Variants in ERC2 observed in about 807,000 individuals in gnomAD.
ERC2 encodes ELKS/RAB6-interacting/CAST family member 2, also known as ERC protein 2.
A neutral mutation model predicts 114.8 loss-of-function variants in ERC2; 42 were observed. That is an observed-to-expected ratio of 0.37 (90% CI 0.29 to 0.47). ERC2 has a LOEUF of 0.47. Ranked by LOEUF, ERC2 falls within the 20% of genes least tolerant of loss-of-function variation. The pLI is 0.99. For synonymous variants in ERC2, 454 were observed against 425.5 expected, an observed-to-expected ratio of 1.07 and a Z score of -0.82; for missense variants, 939 against 1,150.7, an observed-to-expected ratio of 0.82 and a Z score of 2.66.
chr3:55,550,460 A>T (rs1036852560), intron 17 of ERC2, among the ~76,000 whole-genome samples: 14 of 152,202 alleles, frequency 9.2e-5, no homozygotes, highest in African/African-American at 3.4e-4. Flanking sequence ...TATTTGTTGA[A>T]CCAATGCATA....
chr3:56,296,122 T>C lies in ERC2; in HGVS notation c.971A>G (p.Asp324Gly). Residue 324 changes from aspartate (D) to glycine (G), a missense_variant, in exon 3 of 18, where the codon GAT (aspartate) becomes GGT (glycine). Coordinates refer to ENST00000288221, the MANE Select transcript of ERC2 (RefSeq NM_015576.3). ...CATCCGCCGCGTTCGCTCATTGTCA[T>C]CCTCCAGGCTTTTGGATGGCAAGCC... ...SKGLPSKSLE[D>G]DNERTRRMAE... The C allele has an allele frequency of 6.2e-7, 1 of 1,614,018 alleles. No homozygotes were observed. Among genetic ancestry groups the C allele is most frequent in the Non-Finnish European group, 8.5e-7 (1 of 1,179,880 alleles).
intron 3 of ERC2, among the ~76,000 whole-genome samples, chr3:56,285,026 C>CACACAT (rs878878880): frequency 9.0e-6 from 1 of 111,436 alleles, no homozygotes; most frequent in African/African-American, 3.4e-5. Flanking sequence ...CACACACACA[C>CACACAT]ACACATACAC....
At chr3:55,875,521 A>C (rs2062787860) in intron 14 of ERC2, among the ~76,000 whole-genome samples, 1 of 152,178 alleles carries the variant, frequency 6.6e-6, no homozygotes, top group African/African-American at 2.4e-5. Context: ...TGGTTCCCAA[A>C]TTCCGTGACT....
intron 17 of ERC2, among the ~76,000 whole-genome samples, chr3:55,547,787 G>A (rs1440882995): frequency 2.0e-5 from 3 of 152,186 alleles, no homozygotes; most frequent in Non-Finnish European, 2.9e-5. Flanking sequence ...TCAAATGAAA[G>A]AATTTTGCTA....
chr3:56,352,680 C>A (rs910138015), intron 2 of ERC2, among the ~76,000 whole-genome samples: 3 of 152,142 alleles, frequency 2.0e-5, no homozygotes, highest in African/African-American at 7.2e-5. Flanking sequence ...TAGCCAGTTC[C>A]TCTGCAAGGG....
chr3:55,913,598 T>C (rs1294226100), intron 13 of ERC2, among the ~76,000 whole-genome samples: 3 of 152,172 alleles, frequency 2.0e-5, no homozygotes, highest in African/African-American at 7.2e-5. Context: ...AAATTGCTTC[T>C]ACAAAAGGAA....
In ERC2 at chr3:56,226,019, G is replaced by A. The variant is rs146376413; in HGVS notation, c.1075-52499C>T. 4.5e-4 allele frequency among the ~76,000 whole-genome samples: 69 copies of A among 152,268 alleles called. No individual in the cohort carries two copies. The East Asian group carries it at 0.012, about 26-fold the overall frequency. The stretch of plus-strand genomic sequence containing the variant: ...TTTCTGTTTATTGAAGTACTATCGC[G>A]ACAGAGATGCTTTCTACTATTCTAC... On this transcript the variant is annotated intron_variant, in intron 3 of 17. Coordinates refer to ENST00000288221, the MANE Select transcript of ERC2 (RefSeq NM_015576.3).
intron 17 of ERC2, among the ~76,000 whole-genome samples, chr3:55,607,464 G>A (rs2058687642): frequency 1.3e-5 from 2 of 152,164 alleles, no homozygotes; most frequent in Non-Finnish European, 2.9e-5. Context: ...TCTGCAGCCT[G>A]TAATCCTACA....
At chr3:55,862,837 T>C (rs1347054560) in intron 14 of ERC2, among the ~76,000 whole-genome samples, 1 of 152,198 alleles carries the variant, frequency 6.6e-6, no homozygotes, top group Non-Finnish European at 1.5e-5. Context: ...TTTATCATTG[T>C]CTGCAATATT....
rs1559689238 is a variant in ERC2 at position 55,808,721 on chromosome 3, ATATATATATATATATATATAT to A, written c.2565-73824_2565-73804del. The stretch of plus-strand genomic sequence containing the variant: ...TAATTTTATATATATATATATATAT[ATATATATATATATATATATAT>A]AACGTATAACTAAACATATATATAT... On this transcript the variant is annotated intron_variant, in intron 14 of 17. Transcript: ENST00000288221. Among the ~76,000 whole-genome samples, 415 of 122,188 alleles carry A rather than the reference ATATATATATATATATATATAT, an allele frequency of 3.4e-3. 6 individuals carry two copies. Among genetic ancestry groups the A allele is most frequent in the African/African-American group, 0.014 (393 of 28,820 alleles). The allele number at this position is 122,188 out of a possible 152,430, so 80.2% of individuals were successfully genotyped here. A position where few individuals can be genotyped will look rare whatever the true frequency, so the allele number is the denominator to read the frequency against.
intron 5 of ERC2, among the ~76,000 whole-genome samples, chr3:56,146,342 T>C (rs552859100): frequency 1.2e-4 from 18 of 152,100 alleles, no homozygotes; most frequent in Non-Finnish European, 2.2e-4. Flanking sequence ...AAGTAATTAA[T>C]GATAGGAAAC....
chr3:56,295,691 C>T (rs992703401), intron 3 of ERC2, among the ~76,000 whole-genome samples: 2 of 152,168 alleles, frequency 1.3e-5, no homozygotes, highest in African/African-American at 4.8e-5. Context: ...TGATAAACAA[C>T]TAAACTGAAT....
At chr3:56,181,461 T>C (rs1170710125) in intron 3 of ERC2, among the ~76,000 whole-genome samples, 3 of 152,188 alleles carry the variant, frequency 2.0e-5, no homozygotes, top group African/African-American at 4.8e-5. Context: ...ACAGAGAACA[T>C]ATGGCCCTGC....
At chr3:55,843,251 C>G (rs1279898339) in intron 14 of ERC2, among the ~76,000 whole-genome samples, 16 of 152,056 alleles carry the variant, frequency 1.1e-4, no homozygotes, top group Admixed American at 9.2e-4. Flanking sequence ...ATAGAGGGAG[C>G]TGGAAGAGCC....
intron 17 of ERC2, among the ~76,000 whole-genome samples, chr3:55,628,960 T>TATGAGGAATTCTTTAC (rs11268750): frequency 3.3e-5 from 5 of 151,994 alleles, no homozygotes; most frequent in Admixed American, 3.3e-4. Flanking sequence ...ACCTTTCTTA[T>TATGAGGAATTCTTTAC]ATGAATGAAG....
chr3:55,541,311 A>C (rs1464647087), intron 17 of ERC2, among the ~76,000 whole-genome samples: 4 of 152,128 alleles, frequency 2.6e-5, no homozygotes, highest in Non-Finnish European at 5.9e-5. Flanking sequence ...TTGGTTTTAC[A>C]AAGACGCTGA....
At chr3:56,232,800 T>C (rs1463255294) in intron 3 of ERC2, among the ~76,000 whole-genome samples, 1 of 152,188 alleles carries the variant, frequency 6.6e-6, no homozygotes, top group African/African-American at 2.4e-5. Context: ...TCCACCACAC[T>C]CTTTGCTGCA....
chr3:55,952,160 C>CAG (rs1408636584), intron 12 of ERC2, among the ~76,000 whole-genome samples: 3,084 of 72,732 alleles, frequency 0.042, 150 homozygotes, highest in Non-Finnish European at 0.076. Flanking sequence ...CACACACACA[C>CAG]ACACACACAC....
At chr3:56,341,373 C>T (rs1023021267) in intron 2 of ERC2, among the ~76,000 whole-genome samples, 2 of 152,156 alleles carry the variant, frequency 1.3e-5, no homozygotes, top group Non-Finnish European at 2.9e-5. Flanking sequence ...GGCACTGGGA[C>T]CTGAGCCCCT....
Sources: allele counts gnomAD v4.1 joint callset (sites outside exome capture counted in the v4.1 genomes callset), GRCh38; gene constraint gnomAD v4.1.1; transcripts MANE v1.5; gene names NCBI Gene and HGNC (gene_info 2026-07-23, HGNC 2026-07-21).